Variants in ST6GALNAC3 observed in about 807,000 individuals in gnomAD.
ST6GALNAC3 encodes alpha-N-acetylgalactosaminide alpha-2,6-sialyltransferase 3.
Under a neutral mutation model 32.7 loss-of-function variants are expected in ST6GALNAC3, and 25 were observed. The ratio of observed to expected loss-of-function variants is 0.76; its 90% CI spans 0.56 to 1.07. The LOEUF is 1.07. Among genes scored for constraint, ST6GALNAC3 ranks in the 50% least tolerant of loss-of-function variants. The pLI is 0.00. For synonymous variants in ST6GALNAC3, 129 were observed against 133.1 expected (o/e 0.97, Z 0.21); for missense variants, 355 against 382.4 (o/e 0.93, Z 0.60).
chr1:76,164,445 C>A (rs1652001154), intron 1 of ST6GALNAC3, among the ~76,000 whole-genome samples: 1 of 152,094 alleles, frequency 6.6e-6, no homozygotes, highest in Non-Finnish European at 1.5e-5. Context: ...ATCATGGCAG[C>A]TTTTGAGAAG....
At chr1:76,430,164 C>T (rs913141650) in intron 3 of ST6GALNAC3, among the ~76,000 whole-genome samples, 13 of 152,244 alleles carry the variant, frequency 8.5e-5, no homozygotes, top group Admixed American at 3.9e-4. Flanking sequence ...GTTTCTATCT[C>T]GAGGCTCTCA....
intron 1 of ST6GALNAC3, among the ~76,000 whole-genome samples, chr1:76,204,196 C>A (rs181449659): frequency 6.6e-6 from 1 of 152,150 alleles, no homozygotes; most frequent in African/African-American, 2.4e-5. Context: ...TAATGACCTC[C>A]ACTTCCATCA....
intron 1 of ST6GALNAC3, among the ~76,000 whole-genome samples, chr1:76,233,307 G>C (rs1315300862): frequency 6.6e-6 from 1 of 152,174 alleles, no homozygotes; most frequent in Non-Finnish European, 1.5e-5. Context: ...ACTTGCAAAG[G>C]GATAGGATGA....
chr1:76,560,486 G>GA (rs540911137), intron 3 of ST6GALNAC3, among the ~76,000 whole-genome samples: 71 of 152,102 alleles, frequency 4.7e-4, no homozygotes, highest in African/African-American at 1.5e-3. Context: ...AACTCCATAG[G>GA]AAAAAATCTA....
intron 3 of ST6GALNAC3, among the ~76,000 whole-genome samples, chr1:76,432,002 CT>C (rs1571210089): frequency 2.6e-5 from 4 of 152,324 alleles, no homozygotes; most frequent in African/African-American, 9.6e-5. Context: ...TCTCTCTCCC[CT>C]AACCCCTAAC....
intron 1 of ST6GALNAC3, among the ~76,000 whole-genome samples, chr1:76,104,698 A>G (rs777066991): frequency 6.5e-4 from 97 of 149,702 alleles, no homozygotes; most frequent in Admixed American, 1.5e-3. Context: ...GGGAAGGTGT[A>G]TTAGTCTGTT....
chr1:76,213,542 A>C (rs1188456970), intron 1 of ST6GALNAC3, among the ~76,000 whole-genome samples: 1 of 152,220 alleles, frequency 6.6e-6, no homozygotes, highest in Non-Finnish European at 1.5e-5. Flanking sequence ...GAAAGCAACA[A>C]ATACTGCAAT....
chr1:76,413,019 A>C (rs1004524841), intron 3 of ST6GALNAC3: 1 of 334,572 alleles, frequency 3.0e-6, no homozygotes, highest in Non-Finnish European at 5.9e-6. Flanking sequence ...AATACTATTC[A>C]TTCAATTATC....
At chr1:76,398,294 G>A (rs1404575561) in intron 2 of ST6GALNAC3, among the ~76,000 whole-genome samples, 1 of 152,154 alleles carries the variant, frequency 6.6e-6, no homozygotes, top group Non-Finnish European at 1.5e-5. Context: ...GATGGAGAAA[G>A]TATGTGACTT....
intron 1 of ST6GALNAC3, among the ~76,000 whole-genome samples, chr1:76,221,656 T>C (rs1473705197): frequency 6.6e-6 from 1 of 152,142 alleles, no homozygotes; most frequent in Non-Finnish European, 1.5e-5. Context: ...TGCTTACCCT[T>C]CTTTTTTCTT....
chr1:76,167,389 G>T (rs1652189998), intron 1 of ST6GALNAC3, among the ~76,000 whole-genome samples: 1 of 152,146 alleles, frequency 6.6e-6, no homozygotes. Context: ...TGTGCTGCTG[G>T]ATTTGGTTTG....
intron 1 of ST6GALNAC3, among the ~76,000 whole-genome samples, chr1:76,269,639 C>A (rs1658724820): frequency 6.6e-6 from 1 of 152,294 alleles, no homozygotes; most frequent in Non-Finnish European, 1.5e-5. Context: ...TGGTAGGTAT[C>A]CAGTTATAAT....
intron 2 of ST6GALNAC3, among the ~76,000 whole-genome samples, chr1:76,370,653 G>A (rs1650744341): frequency 6.6e-6 from 1 of 152,102 alleles, no homozygotes; most frequent in Non-Finnish European, 1.5e-5. Flanking sequence ...TTGTGGGTAA[G>A]ATGAACCATC....
At chr1:76,225,646 C>T (rs529047580) in intron 1 of ST6GALNAC3, among the ~76,000 whole-genome samples, 2 of 152,274 alleles carry the variant, frequency 1.3e-5, no homozygotes, top group South Asian at 2.1e-4. Context: ...AATGTTCTCT[C>T]ATTTTGTAAG....
chr1:76,278,084 G>C (rs1430695885), intron 1 of ST6GALNAC3, among the ~76,000 whole-genome samples: 1 of 147,078 alleles, frequency 6.8e-6, no homozygotes, highest in Non-Finnish European at 1.5e-5. Flanking sequence ...GGAAGAGTTG[G>C]TATCTTTGTA....
intron 1 of ST6GALNAC3, among the ~76,000 whole-genome samples, chr1:76,112,991 G>T (rs1648173149): frequency 6.6e-6 from 1 of 152,172 alleles, no homozygotes; most frequent in African/African-American, 2.4e-5. Context: ...GCAGGCAGCT[G>T]GGAGGTAGAG....
chr1:76,259,052 AT>A (rs1385420527), intron 1 of ST6GALNAC3, among the ~76,000 whole-genome samples: 3 of 152,184 alleles, frequency 2.0e-5, no homozygotes, highest in Non-Finnish European at 2.9e-5. Context: ...CCTATCTTAT[AT>A]GCTATAAACA....
intron 2 of ST6GALNAC3, among the ~76,000 whole-genome samples, chr1:76,406,222 A>C (rs1487087039): frequency 6.6e-6 from 1 of 152,070 alleles, no homozygotes; most frequent in Non-Finnish European, 1.5e-5. Context: ...ATTGATTCCC[A>C]AGGACTTGCA....
intron 1 of ST6GALNAC3, among the ~76,000 whole-genome samples, chr1:76,287,387 C>CTTTTTT (rs5775339): frequency 7.6e-6 from 1 of 130,754 alleles, no homozygotes; most frequent in African/African-American, 2.9e-5. Context: ...TTTTTTCTTC[C>CTTTTTT]TTTTTTTTTT....
Sources: allele counts gnomAD v4.1 joint callset (sites outside exome capture counted in the v4.1 genomes callset), GRCh38; gene constraint gnomAD v4.1.1; transcripts MANE v1.5; gene names NCBI Gene and HGNC (gene_info 2026-07-23, HGNC 2026-07-21).